Variants in PDXDC1 observed in about 807,000 individuals in gnomAD.
PDXDC1 encodes pyridoxal-dependent decarboxylase domain-containing protein 1.
In PDXDC1, 42 loss-of-function variants were observed where a neutral mutation model predicts 100.1. That is an observed-to-expected ratio of 0.42 (90% CI 0.33 to 0.54). The LOEUF (loss-of-function observed/expected upper bound fraction) is 0.54, where lower values mean the gene tolerates loss of function less well. Among genes scored for constraint, PDXDC1 ranks in the 20% least tolerant of loss-of-function variants. The pLI, the probability that PDXDC1 is intolerant of heterozygous loss-of-function variation, is 0.10. For missense variants in PDXDC1, 636 were observed against 979.2 expected, an observed-to-expected ratio of 0.65 and a Z score of 4.68; for synonymous variants, 260 against 371.7, an observed-to-expected ratio of 0.70 and a Z score of 3.46.
At position 15,022,711 on chromosome 16, in the gene PDXDC1, G is replaced by A. The variant is rs568115955; in HGVS notation, c.1097G>A (p.Arg366Gln). 49 of 1,612,590 alleles carry A rather than the reference G, an allele frequency of 3.0e-5. No individual in the cohort carries two copies. In the Middle Eastern group the frequency reaches 5.0e-4, roughly 16 times the overall value. Reference sequence around the variant, plus strand: ...ATTTTTTGTCATTTGCAGAGTCAACGGTTGCAGGAAAGTTTGAAGAAAGTG... The same window carrying A: ...ATTTTTTGTCATTTGCAGAGTCAACAGTTGCAGGAAAGTTTGAAGAAAGTG... The part of the protein sequence containing the change: ...RIKHACQLSQ[R>Q]LQESLKKVNY... The change falls in exon 13 of 23, where the codon CGG becomes CAG. Residue 366 changes from arginine (R) to glutamine (Q), a missense_variant. Physicochemically the swap from Arg to Gln is conservative, Grantham distance 43 (BLOSUM62 1). Coordinates refer to ENST00000396410, the MANE Select transcript of PDXDC1 (RefSeq NM_015027.4).
At position 15,037,915 on chromosome 16, in the gene PDXDC1, TGAG is replaced by T; in HGVS notation, c.*1645_*1647del. Reference sequence around the variant, plus strand: ...TTGATGAAAGTCATTTGAAAGACACTGAGGAGGGAAGGAGGCCTAAGACCCAAC... The same window carrying T: ...TTGATGAAAGTCATTTGAAAGACACTGAGGGAAGGAGGCCTAAGACCCAAC... On this transcript the variant is annotated 3_prime_UTR_variant, in exon 23 of 23. Transcript: ENST00000396410. The T allele has an allele frequency of 1.6e-6, 1 of 644,076 alleles. No homozygotes were observed. Among genetic ancestry groups the T allele is most frequent in the Admixed American group, 2.7e-5 (1 of 37,344 alleles). The allele number at this position is 644,076 out of a possible 1,614,324, so 39.9% of individuals were successfully genotyped here.
At chr16:15,149,819 G>A in the PDXDC1 span, among the ~76,000 whole-genome samples, 2 of 151,592 alleles carry the variant, frequency 1.3e-5, no homozygotes, top group East Asian at 3.9e-4. Context: ...GGGGCCCTGA[G>A]CTGATGACAT....
intron 16 of PDXDC1, among the ~76,000 whole-genome samples, chr16:15,110,993 G>C (rs1174490094): frequency 1.3e-5 from 2 of 148,172 alleles, no homozygotes; most frequent in African/African-American, 4.9e-5. Context: ...GCCGGGCATG[G>C]CAGTGGGCGC....
intron 1 of PDXDC1, among the ~76,000 whole-genome samples, chr16:14,996,750 A>C (rs1479172079): frequency 1.3e-5 from 2 of 152,248 alleles, no homozygotes; most frequent in African/African-American, 4.8e-5. Context: ...CCAGGTACTC[A>C]GGAGGCTGAG....
At chr16:14,989,923 C>T (rs1970346867) in intron 1 of PDXDC1, 6 of 1,501,742 alleles carry the variant, frequency 4.0e-6, no homozygotes, top group African/African-American at 2.9e-5. Context: ...ACCGCCTCGC[C>T]GCGCTCCCGC....
intron 16 of PDXDC1, chr16:15,130,394 C>G: frequency 6.3e-7 from 1 of 1,575,428 alleles, no homozygotes; most frequent in East Asian, 2.3e-5. Flanking sequence ...ACACCTCCAG[C>G]GCCGACAGGC....
At chr16:15,024,726 C>A (rs1434037409) in intron 13 of PDXDC1, among the ~76,000 whole-genome samples, 2 of 152,294 alleles carry the variant, frequency 1.3e-5, no homozygotes, top group African/African-American at 4.8e-5. Flanking sequence ...AGTCCCAATT[C>A]TTCTCATGAC....
At chr16:15,017,951 C>T (rs1341680443) in intron 11 of PDXDC1, among the ~76,000 whole-genome samples, 10 of 152,344 alleles carry the variant, frequency 6.6e-5, no homozygotes, top group South Asian at 2.1e-4. Flanking sequence ...TGCGCCACCA[C>T]GCCCGGCTTA....
At chr16:15,013,348 C>CAAAAAAA (rs1310266362) in intron 8 of PDXDC1, among the ~76,000 whole-genome samples, 8 of 111,782 alleles carry the variant, frequency 7.2e-5, no homozygotes, top group East Asian at 7.2e-4. Context: ...GACCCTATCT[C>CAAAAAAA]AAAAAAAAAA....
intron 16 of PDXDC1, among the ~76,000 whole-genome samples, chr16:15,076,977 TCA>T (rs1468896253): frequency 1.6e-4 from 15 of 93,164 alleles, no homozygotes; most frequent in Non-Finnish European, 2.6e-4. Context: ...CCCACCCAAA[TCA>T]CTTTTTTTTT....
chr16:15,032,172 T>C (rs959076660), intron 17 of PDXDC1: 23 of 500,674 alleles, frequency 4.6e-5, no homozygotes, highest in Non-Finnish European at 5.0e-5. Flanking sequence ...CCAACAGGTA[T>C]ATATCACTCA....
the PDXDC1 span, among the ~76,000 whole-genome samples, chr16:15,145,954 C>T: frequency 7.2e-5 from 11 of 152,196 alleles, no homozygotes; most frequent in African/African-American, 2.2e-4. Context: ...GTATGTTCCT[C>T]GCTGGAAAGC....
the PDXDC1 span, among the ~76,000 whole-genome samples, chr16:15,152,240 G>GCA: frequency 8.9e-6 from 1 of 112,936 alleles, no homozygotes; most frequent in African/African-American, 2.8e-5. Flanking sequence ...AAGTGGAGAG[G>GCA]CACCTGCGTG....
chr16:15,082,804 G>C (rs977603642), intron 16 of PDXDC1, among the ~76,000 whole-genome samples: 2 of 151,898 alleles, frequency 1.3e-5, no homozygotes, highest in African/African-American at 4.8e-5. Flanking sequence ...ATTAAAAACT[G>C]CACAGATGAT....
chr16:15,082,300 G>C (rs2045740903), intron 16 of PDXDC1, among the ~76,000 whole-genome samples: 2 of 152,184 alleles, frequency 1.3e-5, no homozygotes, highest in South Asian at 4.1e-4. Flanking sequence ...ACACACTTCT[G>C]CATCTACTGA....
At position 15,017,368 on chromosome 16, in the gene PDXDC1, G is replaced by T. The variant is rs773850486; in HGVS notation, c.909G>T (p.Leu303=). The T allele has an allele frequency of 1.9e-6, 3 of 1,614,194 alleles. No individual in the cohort carries two copies. The South Asian group carries it at 3.3e-5, about 18-fold the overall frequency. The part of the protein sequence containing the change: ...DSMTMTPGPW[L]GLPAVPAVTL... ...TGACGATGACTCCTGGCCCGTGGCT[G>T]GGTTTGCCAGCTGTTCCTGCGGTGA... Residue 303 remains leucine, a synonymous_variant, in exon 11 of 23, where the codon CTG becomes CTT. Coordinates refer to ENST00000396410, the MANE Select transcript of PDXDC1 (RefSeq NM_015027.4).
At chr16:15,076,717 G>A in intron 16 of PDXDC1, 2 of 1,163,390 alleles carry the variant, frequency 1.7e-6, no homozygotes, top group Non-Finnish European at 2.6e-6. Context: ...ATTTTGGGAT[G>A]GAAATTCATC....
chr16:15,016,766 G>A (rs568278166), intron 9 of PDXDC1, among the ~76,000 whole-genome samples: 238 of 152,304 alleles, frequency 1.6e-3, no homozygotes, highest in Middle Eastern at 0.014. Flanking sequence ...GAAGCAGGGG[G>A]AACGGACGTG....
intron 16 of PDXDC1, among the ~76,000 whole-genome samples, chr16:15,129,602 T>C (rs1295747425): frequency 6.6e-6 from 1 of 152,188 alleles, no homozygotes; most frequent in Non-Finnish European, 1.5e-5. Flanking sequence ...TCTCCCACAG[T>C]GGTAGCGATG....
Sources: allele counts gnomAD v4.1 joint callset (sites outside exome capture counted in the v4.1 genomes callset), GRCh38; gene constraint gnomAD v4.1.1; transcripts MANE v1.5; gene names NCBI Gene and HGNC (gene_info 2026-07-23, HGNC 2026-07-21).